Variants in SNAP25 observed in about 807,000 individuals in gnomAD.
SNAP25 encodes the protein synaptosomal-associated protein 25.
SNAP25 carries 3 observed loss-of-function variants against 28.7 expected under a neutral mutation model. That is an observed-to-expected ratio of 0.10 (90% CI 0.05 to 0.27). SNAP25 has a LOEUF of 0.27. Among genes scored for constraint, SNAP25 ranks in the 10% least tolerant of loss-of-function variants. The pLI, the probability that SNAP25 is intolerant of heterozygous loss-of-function variation, is 1.00. For synonymous variants in SNAP25, 61 were observed against 88.1 expected, an observed-to-expected ratio of 0.69 and a Z score of 1.72; for missense variants, 117 against 278.7, an observed-to-expected ratio of 0.42 and a Z score of 4.13.
intron 4 of SNAP25, among the ~76,000 whole-genome samples, chr20:10,291,065 T>C (rs2063987366): frequency 6.6e-6 from 1 of 152,102 alleles, no homozygotes; most frequent in African/African-American, 2.4e-5. Flanking sequence ...TTTTAAAAAT[T>C]TTTTTTAATT....
intron 1 of SNAP25, among the ~76,000 whole-genome samples, chr20:10,274,234 G>A (rs2063647450): frequency 6.6e-6 from 1 of 152,080 alleles, no homozygotes. Context: ...CCAAGAAATG[G>A]ACTGGTCACC....
chr20:10,218,939 G>A lies in SNAP25; in HGVS notation c.-102G>A. On this transcript the variant is annotated 5_prime_UTR_variant, in exon 1 of 8. Coordinates refer to ENST00000254976, the MANE Select transcript of SNAP25 (RefSeq NM_130811.4). ...GGCGGCTCCACCACAGTTGCAACCT[G>A]CAGAGGCCCGGAGAACACAACCCTC... 6.6e-6 allele frequency: 1 copy of A among 152,418 alleles called. No individual in the cohort carries two copies. Among genetic ancestry groups the A allele is most frequent in the Non-Finnish European group, 1.5e-5 (1 of 68,128 alleles). The allele number at this position is 152,418 out of a possible 1,614,324, so 9.4% of individuals were successfully genotyped here.
intron 1 of SNAP25, among the ~76,000 whole-genome samples, chr20:10,228,846 T>A (rs779457872): frequency 6.6e-6 from 1 of 152,172 alleles, no homozygotes; most frequent in Non-Finnish European, 1.5e-5. Context: ...GCCATATGCT[T>A]CTTTTCCTCT....
chr20:10,232,154 GT>G (rs199657954), intron 1 of SNAP25, among the ~76,000 whole-genome samples: 2 of 152,130 alleles, frequency 1.3e-5, no homozygotes, highest in Non-Finnish European at 2.9e-5. Context: ...ACTTTCTCTT[GT>G]TGAAAAACAC....
At chr20:10,298,203 G>A (rs1479004437) in intron 6 of SNAP25, among the ~76,000 whole-genome samples, 3 of 150,430 alleles carry the variant, frequency 2.0e-5, no homozygotes, top group African/African-American at 7.4e-5. Flanking sequence ...GCCCATTAAA[G>A]CTCCTCAGGT....
Position 10,228,546 on chromosome 20 carries a change from A to C in SNAP25, c.-64+9569A>C, listed in dbSNP as rs2062771953. Among the ~76,000 whole-genome samples the C allele has an allele frequency of 2.0e-5, 3 of 152,192 alleles. No homozygotes were observed. The South Asian group carries it at 6.2e-4, about 31-fold the overall frequency. ...ATGTGTCCAAACAAGTTCATGGAGC[A>C]ATGGGTGGAGAGTCAGCTGGCTGCA... On this transcript the variant is annotated intron_variant, in intron 1 of 7. Transcript: ENST00000254976.
At chr20:10,226,503 G>A (rs1235137162) in intron 1 of SNAP25, among the ~76,000 whole-genome samples, 1 of 152,100 alleles carries the variant, frequency 6.6e-6, no homozygotes, top group East Asian at 1.9e-4. Context: ...TAAAGTCAGA[G>A]CTGTAAATAA....
chr20:10,219,093 G>C (rs999739578), intron 1 of SNAP25, 116 bp downstream of exon 1: 1 of 152,366 alleles, frequency 6.6e-6, no homozygotes, highest in East Asian at 1.9e-4. Flanking sequence ...GGTGCACTTA[G>C]GGTGCGGTAT....
intron 1 of SNAP25, among the ~76,000 whole-genome samples, chr20:10,267,723 T>C (rs2063529009): frequency 6.6e-6 from 1 of 152,182 alleles, no homozygotes; most frequent in Non-Finnish European, 1.5e-5. Context: ...AGCTAATTTT[T>C]GTATTTTTAG....
intron 3 of SNAP25, among the ~76,000 whole-genome samples, chr20:10,283,597 A>T (rs2063819677): frequency 6.6e-6 from 1 of 152,222 alleles, no homozygotes. Context: ...TTTATTTTTC[A>T]GAAGCACTAT....
At chr20:10,297,160 A>C in intron 6 of SNAP25, 110 bp downstream of exon 6, 6 of 1,301,950 alleles carry the variant, frequency 4.6e-6, no homozygotes, top group Non-Finnish European at 5.0e-6. Flanking sequence ...ATTAATCTAC[A>C]TACCTGCTAA....
intron 1 of SNAP25, among the ~76,000 whole-genome samples, chr20:10,232,826 T>C (rs1256425532): frequency 2.0e-5 from 3 of 152,166 alleles, no homozygotes; most frequent in African/African-American, 7.2e-5. Flanking sequence ...TATGAGAGAA[T>C]GCATCTCTGA....
At chr20:10,288,179 T>G (rs1050464293) in intron 4 of SNAP25, among the ~76,000 whole-genome samples, 1 of 151,774 alleles carries the variant, frequency 6.6e-6, no homozygotes, top group Admixed American at 6.6e-5. Flanking sequence ...ATAAAAAAAT[T>G]TAAAAAATAA....
intron 1 of SNAP25, among the ~76,000 whole-genome samples, chr20:10,222,668 T>A (rs938594120): frequency 1.3e-5 from 2 of 152,182 alleles, no homozygotes; most frequent in Admixed American, 1.3e-4. Context: ...CTTTTTAATA[T>A]CCAGAAATTA....
rs71332917 is a variant in SNAP25 at position 10,224,257 on chromosome 20, C to CTTTTTTTTTTTTTT, written c.-64+5302_-64+5315dup. Among the ~76,000 whole-genome samples, 30 of 17,432 alleles carry CTTTTTTTTTTTTTT rather than the reference C, an allele frequency of 1.7e-3. 8 individuals carry two copies. Among genetic ancestry groups the CTTTTTTTTTTTTTT allele is most frequent in the Non-Finnish European group, 2.1e-3 (22 of 10,570 alleles). 11.4% of individuals were successfully genotyped at this position (17,432 alleles called of 152,430 possible). On this transcript the variant is annotated intron_variant, in intron 1 of 7. Transcript: ENST00000254976. ...AATAAGGCATAGAGAATGTACATGT[C>CTTTTTTTTTTTTTT]TTTTTTTTTTTTTTTTTTTTTTTTT...
rs1479687167 is a variant in SNAP25 at position 10,224,320 on chromosome 20, C to G, written c.-64+5343C>G. Among the ~76,000 whole-genome samples the G allele has an allele frequency of 1.4e-4, 15 of 109,364 alleles. No homozygotes were observed. The Admixed American group carries it at 1.8e-3, about 13-fold the overall frequency. 71.7% of individuals were successfully genotyped at this position (109,364 alleles called of 152,430 possible). On this transcript the variant is annotated intron_variant, in intron 1 of 7. Transcript: ENST00000254976. ...AGTCTTTTCCTCCTCACTTGGGTAG[C>G]AAGGCCTGAAGGTAAGGATGCTGGT...
chr20:10,246,431 C>T (rs185807879), intron 1 of SNAP25, among the ~76,000 whole-genome samples: 1 of 152,014 alleles, frequency 6.6e-6, no homozygotes, highest in African/African-American at 2.4e-5. Context: ...AATGATTGGC[C>T]GAGCCCAGGA....
intron 1 of SNAP25, among the ~76,000 whole-genome samples, chr20:10,239,599 A>G (rs934867912): frequency 2.0e-5 from 3 of 152,232 alleles, no homozygotes; most frequent in Non-Finnish European, 2.9e-5. Flanking sequence ...TGAGCGCTCT[A>G]TGCATATGAA....
chr20:10,237,414 G>T (rs1037366201), intron 1 of SNAP25, among the ~76,000 whole-genome samples: 3 of 152,168 alleles, frequency 2.0e-5, no homozygotes, highest in Admixed American at 6.5e-5. Context: ...CTCACTCACA[G>T]TAGAGGCACT....
Sources: allele counts gnomAD v4.1 joint callset (sites outside exome capture counted in the v4.1 genomes callset), GRCh38; gene constraint gnomAD v4.1.1; transcripts MANE v1.5; gene names NCBI Gene and HGNC (gene_info 2026-07-23, HGNC 2026-07-21).